ERICH6: variants seen among roughly 807,000 people sequenced by gnomAD.
The protein encoded by ERICH6 is glutamate rich 6.
ERICH6 carries 71 observed loss-of-function variants against 71.0 expected under a neutral mutation model. The observed-to-expected ratio is 1.00, with a 90% CI of 0.83 to 1.22. ERICH6 has a LOEUF of 1.22. Ranked by LOEUF, ERICH6 falls within the 50% of genes most tolerant of loss-of-function variation. ERICH6 has a pLI of 0.00. For missense variants in ERICH6, 808 were observed against 797.2 expected, an observed-to-expected ratio of 1.01 and a Z score of -0.16; for synonymous variants, 262 against 278.4, an observed-to-expected ratio of 0.94 and a Z score of 0.59.
intron 13 of ERICH6, among the ~76,000 whole-genome samples, chr3:150,665,310 T>G (rs1004572069): frequency 2.0e-5 from 3 of 152,134 alleles, no homozygotes; most frequent in Non-Finnish European, 4.4e-5. Flanking sequence ...TTCCACATAC[T>G]TAAAAGTTGA....
chr3:150,685,636 T>A lies in ERICH6; in HGVS notation c.783+106A>T, dbSNP rs1037731744. Reference sequence around the variant, plus strand: ...CTAAGTAATTGAGCTCTTTGGCTTTTTTTTTTTTTCCTTTTAGAGTATTTT... The same window carrying A: ...CTAAGTAATTGAGCTCTTTGGCTTTATTTTTTTTTCCTTTTAGAGTATTTT... On this transcript the variant is annotated intron_variant, in intron 6 of 13. Coordinates refer to ENST00000295910, the MANE Select transcript of ERICH6 (RefSeq NM_152394.5). 8.6e-5 allele frequency: 87 copies of A among 1,013,478 alleles called. No individual in the cohort carries two copies. The African/African-American group carries it at 1.3e-3, about 16-fold the overall frequency. 62.8% of individuals were successfully genotyped at this position (1,013,478 alleles called of 1,614,324 possible).
Position 150,678,521 on chromosome 3 carries a change from A to G in ERICH6, c.1145T>C (p.Leu382Pro). Residue 382 changes from leucine (L) to proline (P), a missense_variant, in exon 10 of 14, where the codon CTT (leucine) becomes CCT (proline). Around this residue, in one of 3 missense-constraint regions of ERICH6, gnomAD observed 736 missense variants for 712.2 expected, o/e 1.03. Transcript: ENST00000295910. Reference protein sequence around the residue: ...SKRLKTISYQLSVDIPEKQII... With the variant: ...SKRLKTISYQPSVDIPEKQII... Reference sequence around the variant, plus strand: ...CTGTTTTTCTGGAATATCCACAGAAAGTTGATAAGAAATTGTTTTTAAGCG... The same window carrying G: ...CTGTTTTTCTGGAATATCCACAGAAGGTTGATAAGAAATTGTTTTTAAGCG... 6.2e-7 allele frequency: 1 copy of G among 1,602,132 alleles called. No individual in the cohort carries two copies. Among genetic ancestry groups the G allele is most frequent in the Non-Finnish European group, 8.5e-7 (1 of 1,177,102 alleles).
Position 150,689,138 on chromosome 3 carries a change from A to G in ERICH6, c.554-2784T>C, listed in dbSNP as rs140141986. 4.6e-3 allele frequency among the ~76,000 whole-genome samples: 693 copies of G among 152,282 alleles called. 7 individuals carry two copies. The highest frequency in any genetic ancestry group is 0.016 in the African/African-American group (657 of 41,564). ...AGGCTTGGAAGCACCCCCTCCAGAG[A>G]ATCCCTGATCTCCTCAAATTTGGTC... On this transcript the variant is annotated intron_variant, in intron 3 of 13. Transcript: ENST00000295910.
chr3:150,675,704 A>ACTG (rs1553753282), intron 10 of ERICH6, among the ~76,000 whole-genome samples: 3 of 141,768 alleles, frequency 2.1e-5, no homozygotes, highest in Non-Finnish European at 3.1e-5. Context: ...TAGATTGGCC[A>ACTG]TTGTTTTTTT....
intron 6 of ERICH6, 30 bp downstream of exon 6, chr3:150,685,712 G>A: frequency 1.3e-6 from 2 of 1,498,650 alleles, no homozygotes; most frequent in Non-Finnish European, 1.9e-6. Flanking sequence ...TTTTTTAAGA[G>A]TAATAATAAG....
chr3:150,703,400 C>A (rs1236766103), intron 1 of ERICH6, 96 bp downstream of exon 1: 1 of 1,447,402 alleles, frequency 6.9e-7, no homozygotes, highest in Non-Finnish European at 9.1e-7. Flanking sequence ...TCAGGCACGA[C>A]GCGCAGGTCG....
intron 9 of ERICH6, among the ~76,000 whole-genome samples, chr3:150,679,721 G>C (rs1042136330): frequency 6.6e-6 from 1 of 151,904 alleles, no homozygotes; most frequent in Non-Finnish European, 1.5e-5. Context: ...TCAATGGCAC[G>C]ATCCTGGCTT....
At chr3:150,677,724 T>C (rs1711716761) in intron 10 of ERICH6, among the ~76,000 whole-genome samples, 1 of 152,188 alleles carries the variant, frequency 6.6e-6, no homozygotes, top group Non-Finnish European at 1.5e-5. Flanking sequence ...CTTGAATTCC[T>C]GGATTCCAGC....
chr3:150,692,177 T>C (rs1441986368), intron 3 of ERICH6, among the ~76,000 whole-genome samples: 2 of 152,186 alleles, frequency 1.3e-5, no homozygotes, highest in East Asian at 1.9e-4. Context: ...ATGGAAGTTA[T>C]ATCTTATCTT....
intron 2 of ERICH6, among the ~76,000 whole-genome samples, chr3:150,699,845 G>A (rs939266286): frequency 6.6e-6 from 1 of 152,020 alleles, no homozygotes; most frequent in Non-Finnish European, 1.5e-5. Flanking sequence ...TACAAGGGCT[G>A]TATAGTAGCA....
chr3:150,695,967 AGTGCCCAAGAATAACTGG>A (rs1712642447), intron 3 of ERICH6, among the ~76,000 whole-genome samples: 2 of 152,040 alleles, frequency 1.3e-5, no homozygotes, highest in Admixed American at 1.3e-4. Flanking sequence ...TGGAAGAACA[AGTGCCCAAGAATAACTGG>A]GAATAATATT....
At chr3:150,663,351 C>T (rs986251853) in intron 13 of ERICH6, among the ~76,000 whole-genome samples, 14 of 152,210 alleles carry the variant, frequency 9.2e-5, no homozygotes, top group African/African-American at 2.4e-4. Flanking sequence ...TGTGAAACTA[C>T]TCCCGAGTTT....
At chr3:150,695,511 T>A (rs77513062) in intron 3 of ERICH6, among the ~76,000 whole-genome samples, 5 of 140,868 alleles carry the variant, frequency 3.5e-5, no homozygotes, top group African/African-American at 5.4e-5. Context: ...AAAAAAAAAA[T>A]ACAAAAATTA....
chr3:150,663,603 T>C (rs1297747423), intron 13 of ERICH6, among the ~76,000 whole-genome samples: 2 of 152,192 alleles, frequency 1.3e-5, no homozygotes, highest in East Asian at 3.9e-4. Flanking sequence ...GCCTCCCAGA[T>C]AGCTGAGACC....
chr3:150,666,514 C>T (rs533162734), intron 13 of ERICH6, among the ~76,000 whole-genome samples: 41 of 152,272 alleles, frequency 2.7e-4, no homozygotes, highest in African/African-American at 9.1e-4. Flanking sequence ...TTAAACTAAA[C>T]CCCCAGAGCA....
intron 11 of ERICH6, among the ~76,000 whole-genome samples, chr3:150,672,469 G>T (rs1406384349): frequency 6.6e-6 from 1 of 151,126 alleles, no homozygotes; most frequent in African/African-American, 2.4e-5. Flanking sequence ...GTGGTGGCAT[G>T]TGCCTGTAAT....
intron 3 of ERICH6, among the ~76,000 whole-genome samples, chr3:150,690,476 G>A (rs1307050247): frequency 6.6e-6 from 1 of 151,848 alleles, no homozygotes; most frequent in Non-Finnish European, 1.5e-5. Context: ...CTATGTATTT[G>A]CATGTTTTGT....
At position 150,703,103 on chromosome 3, in the gene ERICH6, G is replaced by A. The variant is rs367932358; in HGVS notation, c.403+393C>T. On this transcript the variant is annotated intron_variant, in intron 1 of 13. Transcript: ENST00000295910. ...CATAGTGAGACGCCAGATTAGCTGG[G>A]TGTGGTGGCGTGTGCCTGTAGTTCC... Among the ~76,000 whole-genome samples, 31 of 152,154 alleles carry A rather than the reference G, an allele frequency of 2.0e-4. No homozygotes were observed. The East Asian group carries it at 4.3e-3, about 21-fold the overall frequency.
rs140595078 is a variant in ERICH6 at position 150,666,843 on chromosome 3, T to C, written c.1672A>G (p.Ile558Val). 5.9e-5 allele frequency: 95 copies of C among 1,614,102 alleles called. No homozygotes were observed. Among genetic ancestry groups the C allele is most frequent in the Non-Finnish European group, 7.5e-5 (89 of 1,180,038 alleles). Residue 558 changes from isoleucine (I) to valine (V), a missense_variant, in exon 13 of 14, where the codon ATA (isoleucine) becomes GTA (valine). This residue lies in a region of ERICH6 where 736 missense variants were observed against 712.2 expected (regional missense o/e 1.03). Transcript: ENST00000295910. Reference protein sequence around the residue: ...VRILEQDKISITFLAMGQQAR... With the variant: ...VRILEQDKISVTFLAMGQQAR... ...TGTTGGCCCATTGCTAGAAAAGTTATAGAAATCTTGTCTTGTTCTAAGATG... is the reference window on the plus strand; with the variant it reads ...TGTTGGCCCATTGCTAGAAAAGTTACAGAAATCTTGTCTTGTTCTAAGATG...
Sources: gnomAD v4.1 joint callset for allele counts (sites outside exome capture counted in the v4.1 genomes callset) on GRCh38, gnomAD v4.1.1 for gene constraint, gnomAD v4.1.1 regional missense constraint, MANE v1.5 for transcripts, NCBI Gene and HGNC (gene_info 2026-07-23, HGNC 2026-07-21) for gene names.